ZNF236: variants seen among roughly 807,000 people sequenced by gnomAD.
ZNF236 encodes the protein zinc finger protein 236.
A neutral mutation model predicts 191.2 loss-of-function variants in ZNF236; 50 were observed. That is an observed-to-expected ratio of 0.26 (90% CI 0.21 to 0.33). The LOEUF is 0.33. Among genes scored for constraint, ZNF236 ranks in the 10% least tolerant of loss-of-function variants. The pLI is 1.00. For missense variants in ZNF236, 1,754 were observed against 2,374.5 expected, an observed-to-expected ratio of 0.74 and a Z score of 5.43; for synonymous variants, 907 against 928.8, an observed-to-expected ratio of 0.98 and a Z score of 0.43.
At chr18:76,863,296 A>G (rs1419648883) in intron 3 of ZNF236, among the ~76,000 whole-genome samples, 2 of 152,132 alleles carry the variant, frequency 1.3e-5, no homozygotes, top group East Asian at 3.9e-4. Context: ...TGAAGAAATA[A>G]TGGCTGAAAA....
chr18:76,930,955 T>C (rs1439038063), intron 25 of ZNF236: 1 of 152,226 alleles, frequency 6.6e-6, no homozygotes, highest in Non-Finnish European at 1.5e-5. Context: ...TTCCATAAAT[T>C]GTACTGAAAT....
intron 7 of ZNF236, among the ~76,000 whole-genome samples, chr18:76,879,589 A>G (rs1043368486): frequency 1.3e-5 from 2 of 152,104 alleles, no homozygotes; most frequent in Non-Finnish European, 2.9e-5. Context: ...TGGATGGGAC[A>G]TTTCGGATTC....
At chr18:76,873,053 A>G (rs1976621762) in intron 5 of ZNF236, among the ~76,000 whole-genome samples, 1 of 152,172 alleles carries the variant, frequency 6.6e-6, no homozygotes. Flanking sequence ...TTCTAGAGTA[A>G]GAGAGAAAGA....
intron 26 of ZNF236, among the ~76,000 whole-genome samples, chr18:76,943,999 G>C (rs1480908133): frequency 6.6e-6 from 1 of 152,226 alleles, no homozygotes; most frequent in Non-Finnish European, 1.5e-5. Flanking sequence ...CAATGGTATA[G>C]TGAAGTTTGT....
chr18:76,874,398 C>T (rs923155397), intron 5 of ZNF236, among the ~76,000 whole-genome samples: 12 of 152,130 alleles, frequency 7.9e-5, no homozygotes, highest in African/African-American at 2.9e-4. Flanking sequence ...TCTAACCTAA[C>T]TCGATTTTGT....
At chr18:76,864,072 C>T (rs1029603475) in intron 3 of ZNF236, among the ~76,000 whole-genome samples, 6 of 152,172 alleles carry the variant, frequency 3.9e-5, no homozygotes, top group Admixed American at 3.3e-4. Flanking sequence ...GGGATTCTCC[C>T]GCAGACGGCC....
chr18:76,840,220 T>C (rs538457010), intron 1 of ZNF236, among the ~76,000 whole-genome samples: 1 of 152,078 alleles, frequency 6.6e-6, no homozygotes, highest in East Asian at 1.9e-4. Flanking sequence ...ACCGGCCGGG[T>C]GCGGTGGCTC....
intron 21 of ZNF236, among the ~76,000 whole-genome samples, chr18:76,923,851 A>AT (rs1438500936): frequency 6.6e-6 from 1 of 152,188 alleles, no homozygotes; most frequent in Non-Finnish European, 1.5e-5. Context: ...GCATTAAGAC[A>AT]TTTAAATAGC....
At chr18:76,844,739 A>G (rs530871262) in intron 1 of ZNF236, among the ~76,000 whole-genome samples, 1 of 152,328 alleles carries the variant, frequency 6.6e-6, no homozygotes, top group South Asian at 2.1e-4. Flanking sequence ...GGAACTCGGC[A>G]TCCAGTAGAC....
intron 20 of ZNF236, 34 bp from the exon 21 acceptor site, chr18:76,923,037 G>C (rs1477158788): frequency 6.8e-7 from 1 of 1,464,854 alleles, no homozygotes; most frequent in Non-Finnish European, 9.6e-7. Context: ...GAAGTCGTTT[G>C]TCAATATGTC....
intron 1 of ZNF236, among the ~76,000 whole-genome samples, chr18:76,838,634 C>CA (rs1975400877): frequency 2.0e-5 from 3 of 152,092 alleles, no homozygotes; most frequent in African/African-American, 7.2e-5. Flanking sequence ...CTTTGTGTAC[C>CA]AAAAAAGGCT....
chr18:76,870,668 T>C lies in ZNF236; in HGVS notation c.543-1033T>C, dbSNP rs545859677. Among the ~76,000 whole-genome samples the C allele has an allele frequency of 2.0e-5, 3 of 152,068 alleles. No individual in the cohort carries two copies. The East Asian group carries it at 5.8e-4, about 29-fold the overall frequency. ...CTGAGGGAGGCTGGGGAGGCAGCTG[T>C]TGTGCGTGGGCCTTTCTGAGTGGGG... On this transcript the variant is annotated intron_variant, in intron 4 of 30. Transcript: ENST00000320610.
chr18:76,889,342 T>C (rs897988376), intron 9 of ZNF236, among the ~76,000 whole-genome samples: 3 of 152,224 alleles, frequency 2.0e-5, no homozygotes, highest in Non-Finnish European at 4.4e-5. Flanking sequence ...CTGCCATACA[T>C]GCTTGGTTAC....
In ZNF236 at chr18:76,968,266, G is replaced by C; in HGVS notation, c.5471G>C (p.Ser1824Thr). 1 of 1,612,090 alleles carries C rather than the reference G, an allele frequency of 6.2e-7. No homozygotes were observed. The change falls in exon 31 of 31, where the codon AGC (serine) becomes ACC (threonine). Residue 1824 changes from serine (S) to threonine (T), a missense_variant. Ser to Thr is a moderately conservative substitution (Grantham distance 58, BLOSUM62 1). Transcript: ENST00000320610. ...GHPEQDGEEL[S>T]RTLHLEEVVQ... ...CCGGAGCAGGACGGGGAGGAGCTGA[G>C]CCGGACCCTCCACCTGGAGGAGGTG...
rs1490686046 is a variant in ZNF236, at chr18:76,895,175, T to A, written c.1580T>A (p.Leu527Gln). 1 of 1,606,090 alleles carries A rather than the reference T, an allele frequency of 6.2e-7. No homozygotes were observed. Among genetic ancestry groups the A allele is most frequent in the African/African-American group, 1.3e-5 (1 of 74,940 alleles). Residue 527 changes from leucine (L) to glutamine (Q), a missense_variant, in exon 10 of 31, where the codon CTG becomes CAG. Physicochemically the swap from Leu to Gln is moderately radical, Grantham distance 113 (BLOSUM62 -2). Around this residue, in one of 5 missense-constraint regions of ZNF236, gnomAD observed 641 missense variants for 869.6 expected, o/e 0.74. Transcript: ENST00000320610. ...CGCGCCTTCGCCGTGAAGAGCACGC[T>A]GACAGCGCACATCAAGACGCACACC... Reference protein sequence around the residue: ...CFRAFAVKSTLTAHIKTHTGI... With the variant: ...CFRAFAVKSTQTAHIKTHTGI...
chr18:76,893,929 G>C (rs921738622), intron 9 of ZNF236, among the ~76,000 whole-genome samples: 5 of 152,202 alleles, frequency 3.3e-5, no homozygotes, highest in African/African-American at 1.2e-4. Flanking sequence ...AGTGATAAGA[G>C]AGAAGGAAAC....
At chr18:76,843,619 T>C (rs1235185915) in intron 1 of ZNF236, among the ~76,000 whole-genome samples, 4 of 148,948 alleles carry the variant, frequency 2.7e-5, no homozygotes, top group East Asian at 4.1e-4. Flanking sequence ...CTACTAAAAA[T>C]ACAAAAATTA....
At chr18:76,954,120 T>C (rs1968470644) in intron 27 of ZNF236, among the ~76,000 whole-genome samples, 1 of 152,242 alleles carries the variant, frequency 6.6e-6, no homozygotes, top group African/African-American at 2.4e-5. Context: ...AGTCTCTAGA[T>C]ATGTAGTTAT....
At chr18:76,938,270 G>GT (rs1245548458) in intron 26 of ZNF236, among the ~76,000 whole-genome samples, 1 of 151,920 alleles carries the variant, frequency 6.6e-6, no homozygotes, top group African/African-American at 2.4e-5. Context: ...CACACCTGTA[G>GT]TACTAGGTAC....
Sources: gnomAD v4.1 joint callset for allele counts (sites outside exome capture counted in the v4.1 genomes callset) on GRCh38, gnomAD v4.1.1 for gene constraint, gnomAD v4.1.1 regional missense constraint, MANE v1.5 for transcripts, NCBI Gene and HGNC (gene_info 2026-07-23, HGNC 2026-07-21) for gene names.